WWC1: variants seen among roughly 807,000 people sequenced by gnomAD.
WWC1 encodes WW and C2 domain containing 1.
A neutral mutation model predicts 138.4 loss-of-function variants in WWC1; 55 were observed. The observed-to-expected ratio is 0.40, with a 90% CI of 0.32 to 0.50. WWC1 has a LOEUF of 0.50. Among genes scored for constraint, WWC1 ranks in the 20% least tolerant of loss-of-function variants. The pLI is 0.72. For synonymous variants in WWC1, 524 were observed against 564.9 expected, an observed-to-expected ratio of 0.93 and a Z score of 1.03; for missense variants, 1,226 against 1,420.4, an observed-to-expected ratio of 0.86 and a Z score of 2.20.
At position 168,328,096 on chromosome 5, in the gene WWC1, A is replaced by G. The variant is rs574895879; in HGVS notation, c.119+35825A>G. On this transcript the variant is annotated intron_variant, in intron 1 of 22. Coordinates refer to ENST00000265293, the MANE Select transcript of WWC1 (RefSeq NM_015238.3). ...AGAAAGCAGAGCTGAGCCTTTCACA[A>G]TTTAGGAGTCCAAGTTCAGCGCTGC... 3.3e-3 allele frequency among the ~76,000 whole-genome samples: 502 copies of G among 152,308 alleles called. 1 individual carries two copies. The highest frequency in any genetic ancestry group is 3.4e-3 in the Non-Finnish European group (234 of 68,026).
At chr5:168,415,944 A>T (rs1447004429) in intron 9 of WWC1, 1 of 151,936 alleles carries the variant, frequency 6.6e-6, no homozygotes, top group Non-Finnish European at 1.5e-5. Context: ...TGAAGCAAGT[A>T]AACGTGCCTA....
chr5:168,368,759 G>A (rs1275506175), intron 1 of WWC1, among the ~76,000 whole-genome samples: 1 of 152,208 alleles, frequency 6.6e-6, no homozygotes, highest in Non-Finnish European at 1.5e-5. Context: ...TCTCCATAAG[G>A]AAGAGGGAAC....
At chr5:168,464,669 G>T (rs747601797) in intron 20 of WWC1, 60 bp from the exon 21 acceptor site, 6 of 1,602,488 alleles carry the variant, frequency 3.7e-6, no homozygotes, top group Non-Finnish European at 4.3e-6. Flanking sequence ...AGAGGAAGAG[G>T]CTGGGTGGGC....
At chr5:168,465,690 T>C (rs1025393711) in intron 21 of WWC1, among the ~76,000 whole-genome samples, 1 of 151,354 alleles carries the variant, frequency 6.6e-6, no homozygotes, top group African/African-American at 2.4e-5. Context: ...CCTGAGTAAC[T>C]GTGTTGACAG....
intron 17 of WWC1, among the ~76,000 whole-genome samples, chr5:168,452,000 G>A (rs769407643): frequency 6.2e-5 from 9 of 145,810 alleles, no homozygotes; most frequent in Non-Finnish European, 1.0e-4. Flanking sequence ...CCACCTCTTG[G>A]GTTCAAGCAA....
intron 1 of WWC1, among the ~76,000 whole-genome samples, chr5:168,359,497 G>A (rs951718517): frequency 2.8e-4 from 43 of 152,130 alleles, no homozygotes; most frequent in African/African-American, 1.0e-3. Context: ...ACCTATTGAT[G>A]GACATATGGA....
chr5:168,308,725 G>A (rs915236346), intron 1 of WWC1, among the ~76,000 whole-genome samples: 4 of 152,200 alleles, frequency 2.6e-5, no homozygotes, highest in Non-Finnish European at 5.9e-5. Context: ...TCTTCAGTTT[G>A]AGAACCACTG....
chr5:168,431,136 T>A, intron 14 of WWC1, 116 bp from the exon 15 acceptor site: 2 of 925,128 alleles, frequency 2.2e-6, no homozygotes, highest in Non-Finnish European at 3.3e-6. Flanking sequence ...ATTCCTCACT[T>A]CTACAAACTC....
In WWC1 at chr5:168,382,923, C is replaced by G. The variant is rs573950106; in HGVS notation, c.230-2288C>G. 9.2e-5 allele frequency among the ~76,000 whole-genome samples: 14 copies of G among 152,246 alleles called. No homozygotes were observed. In the East Asian group the frequency reaches 2.7e-3, roughly 29 times the overall value. Reference sequence around the variant, plus strand: ...GGGCACAGTGCCTCACGCCTGTAATCCCACCACTTTGGGAGGCCGAGGCAG... The same window carrying G: ...GGGCACAGTGCCTCACGCCTGTAATGCCACCACTTTGGGAGGCCGAGGCAG... On this transcript the variant is annotated intron_variant, in intron 2 of 22. Transcript: ENST00000265293.
intron 2 of WWC1, among the ~76,000 whole-genome samples, chr5:168,375,426 AT>A (rs758062668): frequency 2.2e-4 from 33 of 152,166 alleles, no homozygotes; most frequent in Non-Finnish European, 3.8e-4. Context: ...AAACCAATAG[AT>A]TTAGCAACCT....
chr5:168,367,306 C>T (rs1776368475), intron 1 of WWC1, among the ~76,000 whole-genome samples: 1 of 152,078 alleles, frequency 6.6e-6, no homozygotes, highest in Non-Finnish European at 1.5e-5. Context: ...TTCTGAGACT[C>T]ACCCTTCGTC....
In WWC1 at chr5:168,371,546, C is replaced by T. The variant is rs758810733; in HGVS notation, c.229+13C>T. The T allele has an allele frequency of 6.9e-6, 11 of 1,596,766 alleles. No individual in the cohort carries two copies. Among genetic ancestry groups the T allele is most frequent in the African/African-American group, 2.7e-5 (2 of 74,540 alleles). ...GACCACAACACCAGTAAGTTCCCGA[C>T]GGTCCTCCCTTCCCTGTGCCCTCTT... is the stretch of plus-strand genomic sequence containing the variant. On this transcript the variant is annotated intron_variant, in intron 2 of 22. Transcript: ENST00000265293.
chr5:168,431,070 G>T (rs1337691869), intron 14 of WWC1, among the ~76,000 whole-genome samples, 182 bp from the exon 15 acceptor site: 1 of 152,204 alleles, frequency 6.6e-6, no homozygotes, highest in Non-Finnish European at 1.5e-5. Context: ...AATGCATCTG[G>T]AATTTTGTTC....
Position 168,414,598 on chromosome 5 carries a change from T to C in WWC1, c.1184+8T>C. The C allele has an allele frequency of 6.5e-7, 1 of 1,549,100 alleles. No individual in the cohort carries two copies. Among genetic ancestry groups the C allele is most frequent in the South Asian group, 1.2e-5 (1 of 83,628 alleles). ...CAAGGCGCTGACGGAGAGGTGGGGCTGGGGCCCCAGGGTGTGTAGGACCCT... is the reference window on the plus strand; with the variant it reads ...CAAGGCGCTGACGGAGAGGTGGGGCCGGGGCCCCAGGGTGTGTAGGACCCT... On this transcript the variant is annotated splice_region_variant and intron_variant, in intron 9 of 22. Transcript: ENST00000265293.
intron 8 of WWC1, 134 bp from the exon 9 acceptor site, chr5:168,414,214 C>G: frequency 8.1e-6 from 11 of 1,360,836 alleles, no homozygotes; most frequent in Non-Finnish European, 9.8e-6. Context: ...AAATAGGTTC[C>G]TTGAGATGAC....
chr5:168,332,709 T>C (rs1328846272), intron 1 of WWC1, among the ~76,000 whole-genome samples: 1 of 150,724 alleles, frequency 6.6e-6, no homozygotes, highest in African/African-American at 2.5e-5. Flanking sequence ...TTTTTCTTTT[T>C]CTTTTTCTTT....
intron 1 of WWC1, among the ~76,000 whole-genome samples, chr5:168,322,447 T>A (rs761713978): frequency 1.3e-5 from 2 of 152,180 alleles, no homozygotes; most frequent in African/African-American, 4.8e-5. Flanking sequence ...AGTAGAAACC[T>A]TATTTGCAGA....
chr5:168,367,863 TAAAAAA>T (rs962118740), intron 1 of WWC1, among the ~76,000 whole-genome samples: 8 of 150,578 alleles, frequency 5.3e-5, no homozygotes, highest in African/African-American at 2.0e-4. Context: ...AATAAATTAA[TAAAAAA>T]AAAGAAAGAG....
rs573705459 is a variant in WWC1 at position 168,400,603 on chromosome 5, C to G, written c.590+1036C>G. On this transcript the variant is annotated intron_variant, in intron 5 of 22. Coordinates refer to ENST00000265293, the MANE Select transcript of WWC1 (RefSeq NM_015238.3). The stretch of plus-strand genomic sequence containing the variant: ...AAGGAATGCTTTGTTATATAACTAC[C>G]CCCATTTTATAGATGAGAAAACTGA... 3.1e-3 allele frequency among the ~76,000 whole-genome samples: 477 copies of G among 152,246 alleles called. 3 individuals carry two copies. The highest frequency in any genetic ancestry group is 0.011 in the African/African-American group (459 of 41,544).
Sources: gnomAD v4.1 joint callset for allele counts (sites outside exome capture counted in the v4.1 genomes callset) on GRCh38, gnomAD v4.1.1 for gene constraint, MANE v1.5 for transcripts, NCBI Gene and HGNC (gene_info 2026-07-23, HGNC 2026-07-21) for gene names.